The following PIP5K1A variants were observed in gnomAD, a reference collection of about 807,000 sequenced individuals.
PIP5K1A encodes the protein phosphatidylinositol-4-phosphate 5-kinase type 1 alpha, also known as phosphatidylinositol 4-phosphate 5-kinase type-1 alpha.
PIP5K1A carries 46 observed loss-of-function variants against 72.9 expected under a neutral mutation model. The ratio of observed to expected loss-of-function variants is 0.63; its 90% CI spans 0.50 to 0.81. PIP5K1A has a LOEUF of 0.81. PIP5K1A is among the 30% of genes least tolerant of loss of function. The pLI is 0.00. For missense variants in PIP5K1A, 458 were observed against 706.1 expected (o/e 0.65, Z 3.98); for synonymous variants, 228 against 255.1 (o/e 0.89, Z 1.01).
chr1:151,227,674 T>A (rs1689352511), intron 4 of PIP5K1A, among the ~76,000 whole-genome samples: 1 of 152,200 alleles, frequency 6.6e-6, no homozygotes, highest in African/African-American at 2.4e-5. Context: ...GCAGATCATT[T>A]TAGGCCAGGA....
intron 3 of PIP5K1A, among the ~76,000 whole-genome samples, chr1:151,225,933 C>T (rs1191409699): frequency 2.0e-5 from 3 of 151,552 alleles, no homozygotes; most frequent in Non-Finnish European, 4.4e-5. Context: ...CACGCCACCA[C>T]GCCAGGCAAA....
chr1:151,237,579 G>C (rs955417900), intron 9 of PIP5K1A, among the ~76,000 whole-genome samples: 2 of 152,046 alleles, frequency 1.3e-5, no homozygotes, highest in African/African-American at 2.4e-5. Flanking sequence ...AGAATTGCTT[G>C]AGCCCAGGAG....
At chr1:151,224,964 G>T (rs1352946417) in intron 3 of PIP5K1A, among the ~76,000 whole-genome samples, 1 of 152,088 alleles carries the variant, frequency 6.6e-6, no homozygotes, top group Non-Finnish European at 1.5e-5. Flanking sequence ...TCCAGCATCT[G>T]TCAGGTGATA....
upstream of PIP5K1A, among the ~76,000 whole-genome samples, chr1:151,196,550 A>AT (rs5777766): frequency 0.61 from 70,566 of 114,750 alleles, 23,301 homozygotes; most frequent in Middle Eastern, 0.77. Flanking sequence ...ATGCATGGGG[A>AT]TTTTTTTTTT....
chr1:151,236,003 C>G (rs908837376), intron 8 of PIP5K1A, among the ~76,000 whole-genome samples: 5 of 151,874 alleles, frequency 3.3e-5, no homozygotes, highest in African/African-American at 1.2e-4. Flanking sequence ...TGCCTGTAAT[C>G]CCAGCTACTT....
chr1:151,223,078 C>G (rs917413810), intron 1 of PIP5K1A, among the ~76,000 whole-genome samples: 1 of 151,844 alleles, frequency 6.6e-6, no homozygotes, highest in African/African-American at 2.4e-5. Flanking sequence ...TAGCCAGGCG[C>G]AGTGGCTCAC....
rs1297626875 is a variant in PIP5K1A at position 151,198,662 on chromosome 1, GT to G, written c.-326del. 41 of 310,272 alleles carry G rather than the reference GT, an allele frequency of 1.3e-4. No individual in the cohort carries two copies. Among genetic ancestry groups the G allele is most frequent in the Middle Eastern group, 9.3e-4 (1 of 1,074 alleles). 19.2% of individuals were successfully genotyped at this position (310,272 alleles called of 1,614,324 possible). ...GCTCCTTTGGGACTTTTCATGCCTCGTTTTTTTTTCAGATGTGGCTTGGTCT... is the reference window on the plus strand; with the variant it reads ...GCTCCTTTGGGACTTTTCATGCCTCGTTTTTTTTCAGATGTGGCTTGGTCT... On this transcript the variant is annotated 5_prime_UTR_variant, in exon 1 of 16. An upstream open reading frame in the 5' UTR loses its in-frame stop. Transcript: ENST00000368888.
intron 1 of PIP5K1A, among the ~76,000 whole-genome samples, chr1:151,222,754 A>T (rs942782079): frequency 1.3e-5 from 2 of 152,174 alleles, no homozygotes; most frequent in African/African-American, 2.4e-5. Context: ...CTCATTGAGA[A>T]TCAGATTCCA....
At chr1:151,199,469 C>G (rs895544221) in intron 1 of PIP5K1A, among the ~76,000 whole-genome samples, 1 of 151,964 alleles carries the variant, frequency 6.6e-6, no homozygotes, top group Non-Finnish European at 1.5e-5. Context: ...AAAAATTATC[C>G]GGACAGTAGT....
At chr1:151,198,217 T>G, upstream of PIP5K1A, 1 of 411,072 alleles carries the variant, frequency 2.4e-6, no homozygotes. Flanking sequence ...TTTTGTGATA[T>G]TCGACACCTT....
At chr1:151,247,234 T>G (rs1445030877) in intron 15 of PIP5K1A, among the ~76,000 whole-genome samples, 1 of 151,978 alleles carries the variant, frequency 6.6e-6, no homozygotes, top group Non-Finnish European at 1.5e-5. Context: ...GTTCAAGCAG[T>G]TCTCCTGTCT....
rs377033624 is a variant in PIP5K1A, at chr1:151,224,369, A to G, written c.121-2A>G. On this transcript the variant is annotated splice_acceptor_variant, in intron 2 of 15. Transcript: ENST00000368888. LOFTEE classifies it high-confidence loss of function. The stretch of plus-strand genomic sequence containing the variant: ...TGACATTTTTATTTTTTCTCTACTT[A>G]GGTCTTGGAAGCTAGACAGGATTCT... The G allele has an allele frequency of 6.8e-6, 11 of 1,608,730 alleles. No homozygotes were observed. In the African/African-American group the frequency reaches 1.5e-4, roughly 22 times the overall value.
upstream of PIP5K1A, chr1:151,197,849 C>T (rs1010210901): frequency 1.8e-5 from 6 of 332,048 alleles, no homozygotes; most frequent in Admixed American, 1.3e-4. Flanking sequence ...TTGTTAAAAA[C>T]GAGCAGTTAC....
At chr1:151,198,243 A>C (rs1297678766), upstream of PIP5K1A, 9 of 377,368 alleles carry the variant, frequency 2.4e-5, no homozygotes, top group Non-Finnish European at 2.7e-5. Context: ...CTCTGACTTG[A>C]CACCAGTACT....
chr1:151,209,964 A>G (rs1041927563), intron 1 of PIP5K1A, among the ~76,000 whole-genome samples: 5 of 151,778 alleles, frequency 3.3e-5, no homozygotes, highest in African/African-American at 1.2e-4. Context: ...GCTCACTGCA[A>G]TCTCTGCCTC....
chr1:151,211,308 G>A (rs1011430954), intron 1 of PIP5K1A, among the ~76,000 whole-genome samples: 1 of 151,918 alleles, frequency 6.6e-6, no homozygotes, highest in African/African-American at 2.4e-5. Context: ...GTAACATAGT[G>A]AAACCCTGTC....
chr1:151,222,413 A>C (rs1429031229), intron 1 of PIP5K1A, among the ~76,000 whole-genome samples: 1 of 152,230 alleles, frequency 6.6e-6, no homozygotes, highest in Non-Finnish European at 1.5e-5. Context: ...GCAAGAGTGT[A>C]GCAGCCCTAG....
chr1:151,227,215 TA>T, intron 3 of PIP5K1A, 104 bp from the exon 4 acceptor site: 1 of 682,948 alleles, frequency 1.5e-6, no homozygotes, highest in Non-Finnish European at 2.6e-6. Flanking sequence ...GTTTTTAATC[TA>T]GAAAGAATAT....
intron 1 of PIP5K1A, among the ~76,000 whole-genome samples, chr1:151,219,844 T>C (rs1688154436): frequency 7.1e-6 from 1 of 140,590 alleles, no homozygotes; most frequent in South Asian, 2.2e-4. Context: ...TCCTTACATA[T>C]TCTTTCCTTT....
Sources: gnomAD v4.1 joint callset for allele counts (sites outside exome capture counted in the v4.1 genomes callset) on GRCh38, gnomAD v4.1.1 for gene constraint, MANE v1.5 for transcripts, NCBI Gene and HGNC (gene_info 2026-07-23, HGNC 2026-07-21) for gene names.